BBS9: variants seen among roughly 807,000 people sequenced by gnomAD.
BBS9 encodes Bardet-Biedl syndrome 9.
BBS9 carries 89 observed loss-of-function variants against 117.7 expected under a neutral mutation model. The observed-to-expected ratio is 0.76, with a 90% confidence interval of 0.64 to 0.90. The LOEUF is 0.90. BBS9 is among the 40% of genes least tolerant of loss of function. The pLI, the probability that BBS9 is intolerant of heterozygous loss-of-function variation, is 0.00. For synonymous variants in BBS9, 379 were observed against 370.9 expected (o/e 1.02, Z -0.25); for missense variants, 982 against 1,042.2 (o/e 0.94, Z 0.80).
At chr7:33,243,489 C>T (rs1389031242) in intron 5 of BBS9, among the ~76,000 whole-genome samples, 1 of 152,170 alleles carries the variant, frequency 6.6e-6, no homozygotes, top group Non-Finnish European at 1.5e-5. Context: ...GATCGTACTG[C>T]CTACTTGTCA....
At chr7:33,235,401 T>G (rs1793288617) in intron 5 of BBS9, among the ~76,000 whole-genome samples, 1 of 152,138 alleles carries the variant, frequency 6.6e-6, no homozygotes, top group Admixed American at 6.6e-5. Flanking sequence ...ATTACTACTT[T>G]TAAGCAATGA....
At chr7:33,405,133 A>G (rs181019148) in intron 19 of BBS9, among the ~76,000 whole-genome samples, 2 of 152,280 alleles carry the variant, frequency 1.3e-5, no homozygotes, top group East Asian at 3.9e-4. Flanking sequence ...TTCTGTTTGT[A>G]TGCTGGACTA....
intron 21 of BBS9, among the ~76,000 whole-genome samples, chr7:33,612,162 C>G (rs150240974): frequency 0.017 from 2,625 of 151,888 alleles, 41 homozygotes; most frequent in Middle Eastern, 0.037. Context: ...GAAACTGAAG[C>G]TTTTATTTTA....
intron 9 of BBS9, among the ~76,000 whole-genome samples, chr7:33,334,027 T>C (rs562738871): frequency 2.8e-4 from 42 of 152,370 alleles, no homozygotes; most frequent in Admixed American, 6.5e-4. Context: ...AGACCCTGGC[T>C]ACTCTCTTTA....
chr7:33,381,296 T>C (rs1191169091), intron 17 of BBS9, among the ~76,000 whole-genome samples: 1 of 152,198 alleles, frequency 6.6e-6, no homozygotes, highest in Non-Finnish European at 1.5e-5. Context: ...GAATCAGTGA[T>C]GGCAGAAGAG....
intron 15 of BBS9, among the ~76,000 whole-genome samples, chr7:33,353,171 TG>T (rs894468171): frequency 2.0e-5 from 3 of 152,278 alleles, no homozygotes; most frequent in African/African-American, 7.2e-5. Context: ...TGCAAGTCAT[TG>T]GTTATTTAGC....
rs563574751 is a variant in BBS9 at position 33,559,101 on chromosome 7, A to C, written c.2521+24925A>C. Among the ~76,000 whole-genome samples the C allele has an allele frequency of 2.0e-5, 3 of 152,306 alleles. No individual in the cohort carries two copies. In the East Asian group the frequency reaches 5.8e-4, roughly 29 times the overall value. ...AAGCGTAAGTGGTCATAGATGATTC[A>C]TAATGGTGCTCCCTGCTTTTGGTGA... On this transcript the variant is annotated intron_variant, in intron 21 of 22. Transcript: ENST00000242067.
intron 21 of BBS9, among the ~76,000 whole-genome samples, chr7:33,602,214 C>CCT (rs1863902172): frequency 1.3e-5 from 2 of 152,162 alleles, no homozygotes; most frequent in Admixed American, 1.3e-4. Context: ...CTACACAGCC[C>CCT]TTTTTTTCGA....
At chr7:33,176,682 C>T (rs1029701969) in intron 4 of BBS9, among the ~76,000 whole-genome samples, 5 of 152,058 alleles carry the variant, frequency 3.3e-5, no homozygotes, top group Non-Finnish European at 5.9e-5. Flanking sequence ...AGTTTGAGGA[C>T]TATTGCATTT....
At position 33,487,706 on chromosome 7, in the gene BBS9, T is replaced by TC. The variant is rs1563245016; in HGVS notation, c.2116-17754dup. On this transcript the variant is annotated intron_variant, in intron 19 of 22. Transcript: ENST00000242067. ...TATGCTCACATTTTGGGGCCTCTCA[T>TC]CCCAGTAATTCTGATGAGAATGGTC... is the stretch of plus-strand genomic sequence containing the variant. 2.0e-5 allele frequency among the ~76,000 whole-genome samples: 3 copies of TC among 152,298 alleles called. No homozygotes were observed. In the South Asian group the frequency reaches 6.2e-4, roughly 32 times the overall value.
At chr7:33,574,573 C>T (rs1305196942) in intron 21 of BBS9, among the ~76,000 whole-genome samples, 1 of 151,760 alleles carries the variant, frequency 6.6e-6, no homozygotes, top group East Asian at 1.9e-4. Context: ...ATTTTTTTCC[C>T]CTGCCATATT....
intron 17 of BBS9, among the ~76,000 whole-genome samples, chr7:33,371,673 A>G (rs1482624730): frequency 6.6e-6 from 1 of 152,022 alleles, no homozygotes; most frequent in Non-Finnish European, 1.5e-5. Flanking sequence ...ACACCTAGGG[A>G]GACTTTGTAG....
intron 5 of BBS9, among the ~76,000 whole-genome samples, chr7:33,200,629 C>T (rs1785683035): frequency 6.6e-6 from 1 of 152,090 alleles, no homozygotes; most frequent in Non-Finnish European, 1.5e-5. Flanking sequence ...GGCTTTCACT[C>T]ATATTATTGA....
intron 7 of BBS9, among the ~76,000 whole-genome samples, chr7:33,270,721 C>A (rs1799650177): frequency 6.6e-6 from 1 of 151,866 alleles, no homozygotes; most frequent in African/African-American, 2.4e-5. Flanking sequence ...GTAAAGAGAC[C>A]AACTTTATGA....
At position 33,533,992 on chromosome 7, in the gene BBS9, G is replaced by C; in HGVS notation, c.2337G>C (p.Leu779=). 2 of 1,614,226 alleles carry C rather than the reference G, an allele frequency of 1.2e-6. No homozygotes were observed. The highest frequency in any genetic ancestry group is 1.7e-6 in the Non-Finnish European group (2 of 1,180,044). The change falls in exon 21 of 23, where the codon CTG becomes CTC. Residue 779 remains leucine, a synonymous_variant. Coordinates refer to ENST00000242067, the MANE Select transcript of BBS9 (RefSeq NM_198428.3). ...EETVDAAISH[L]LKTCLSKSSK... ...CGGTGGATGCCGCCATTTCCCACCT[G>C]TTGAAGACTTGCCTGTCGAAGAGTT... is the stretch of plus-strand genomic sequence containing the variant.
chr7:33,217,512 C>T (rs922035064), intron 5 of BBS9, among the ~76,000 whole-genome samples: 8 of 152,202 alleles, frequency 5.3e-5, no homozygotes, highest in African/African-American at 1.9e-4. Context: ...GCTCCTCAAA[C>T]ACTACCTGCT....
chr7:33,460,057 G>T (rs1839225454), intron 19 of BBS9, among the ~76,000 whole-genome samples: 1 of 151,948 alleles, frequency 6.6e-6, no homozygotes, highest in African/African-American at 2.4e-5. Context: ...CTTTGTTATT[G>T]TACACTTTTT....
chr7:33,433,224 T>C (rs1204580227), intron 19 of BBS9, among the ~76,000 whole-genome samples: 3 of 152,234 alleles, frequency 2.0e-5, no homozygotes, highest in African/African-American at 7.2e-5. Flanking sequence ...TTTGCTGGTA[T>C]CACAAGTCTT....
chr7:33,475,026 T>C (rs1841607073), intron 19 of BBS9, among the ~76,000 whole-genome samples: 1 of 152,240 alleles, frequency 6.6e-6, no homozygotes, highest in Non-Finnish European at 1.5e-5. Flanking sequence ...TTGATCCTAA[T>C]AGTCTTTGCC....
Sources: allele counts gnomAD v4.1 joint callset (sites outside exome capture counted in the v4.1 genomes callset), GRCh38; gene constraint gnomAD v4.1.1; transcripts MANE v1.5; gene names NCBI Gene and HGNC (gene_info 2026-07-23, HGNC 2026-07-21).